Variants in DTNB observed in about 807,000 individuals in gnomAD.
DTNB encodes DTN-B.
Under a neutral mutation model 90.7 loss-of-function variants are expected in DTNB, and 63 were observed. The observed-to-expected ratio is 0.69, with a 90% confidence interval of 0.57 to 0.86. The LOEUF (loss-of-function observed/expected upper bound fraction) is 0.86, where lower values mean the gene tolerates loss of function less well. Among genes scored for constraint, DTNB ranks in the 40% least tolerant of loss-of-function variants. The probability of loss-of-function intolerance (pLI) is 0.00; values close to 1 mark genes in which losing one functional copy is unlikely to be tolerated. For synonymous variants in DTNB, 277 were observed against 286.7 expected, an observed-to-expected ratio of 0.97 and a Z score of 0.34; for missense variants, 744 against 807.1, an observed-to-expected ratio of 0.92 and a Z score of 0.95.
intron 1 of DTNB, among the ~76,000 whole-genome samples, chr2:25,668,231 T>A (rs1174855532): frequency 6.6e-6 from 1 of 151,946 alleles, no homozygotes; most frequent in Non-Finnish European, 1.5e-5. Context: ...AGAGTGAGAC[T>A]CAGTCTCAAA....
intron 14 of DTNB, among the ~76,000 whole-genome samples, chr2:25,429,265 G>A (rs982435972): frequency 1.3e-5 from 2 of 152,040 alleles, no homozygotes. Flanking sequence ...AATTAATGAC[G>A]CCTATTACTT....
intron 10 of DTNB, among the ~76,000 whole-genome samples, chr2:25,470,561 G>C (rs2062606636): frequency 6.6e-6 from 1 of 151,886 alleles, no homozygotes; most frequent in Non-Finnish European, 1.5e-5. Flanking sequence ...ATTTTTAGTA[G>C]AGATGGGGTT....
rs75746119 is a variant in DTNB, at chr2:25,510,279, T to C, written c.1001+21194A>G. Reference sequence around the variant, plus strand: ...GATTCCTTTTCAGATTTTCTGGTAATTTTTATATTCTTTTGTTTCTCCATA... The same window carrying C: ...GATTCCTTTTCAGATTTTCTGGTAACTTTTATATTCTTTTGTTTCTCCATA... On this transcript the variant is annotated intron_variant, in intron 9 of 20. Transcript: ENST00000406818. Among the ~76,000 whole-genome samples, 639 of 152,252 alleles carry C rather than the reference T, an allele frequency of 4.2e-3. 5 individuals carry two copies. The highest frequency in any genetic ancestry group is 6.4e-3 in the Non-Finnish European group (436 of 68,024).
At chr2:25,420,262 CTTTTTTTTTTTTT>C (rs56815083) in intron 15 of DTNB, among the ~76,000 whole-genome samples, 11 of 63,910 alleles carry the variant, frequency 1.7e-4, no homozygotes, top group African/African-American at 5.5e-4. Flanking sequence ...CAGGCACAGT[CTTTTTTTTTTTTT>C]TTTTTTTTTT....
chr2:25,530,133 A>C (rs553022597), intron 9 of DTNB, among the ~76,000 whole-genome samples: 16 of 152,176 alleles, frequency 1.1e-4, no homozygotes, highest in Non-Finnish European at 1.8e-4. Context: ...CCACAAAAGT[A>C]AGTCAATAAT....
intron 12 of DTNB, 56 bp downstream of exon 12, chr2:25,451,492 G>A (rs2059275895): frequency 1.3e-6 from 2 of 1,528,820 alleles, no homozygotes; most frequent in East Asian, 4.8e-5. Context: ...CTTTCCATTT[G>A]CATATTAAAG....
At chr2:25,625,977 G>A (rs777211125) in intron 4 of DTNB, among the ~76,000 whole-genome samples, 17 of 152,064 alleles carry the variant, frequency 1.1e-4, no homozygotes, top group African/African-American at 2.9e-4. Context: ...AAAAGGTGCC[G>A]TCTAGGAGCC....
At chr2:25,552,908 C>T (rs2056602235) in intron 8 of DTNB, among the ~76,000 whole-genome samples, 2 of 117,582 alleles carry the variant, frequency 1.7e-5, no homozygotes, top group Admixed American at 1.2e-4. Context: ...GGTCGGACTG[C>T]GGACTGCAGT....
chr2:25,480,511 G>C (rs1176071536), intron 10 of DTNB, among the ~76,000 whole-genome samples: 1 of 152,190 alleles, frequency 6.6e-6, no homozygotes, highest in African/African-American at 2.4e-5. Flanking sequence ...CAGCAAGCCT[G>C]AGGGGTAGGC....
intron 9 of DTNB, among the ~76,000 whole-genome samples, chr2:25,500,530 A>G (rs945195693): frequency 6.6e-6 from 1 of 152,246 alleles, no homozygotes; most frequent in African/African-American, 2.4e-5. Context: ...CCAAGACATT[A>G]GAGAATTTGC....
At chr2:25,491,192 G>A (rs2067382978) in intron 9 of DTNB, among the ~76,000 whole-genome samples, 1 of 151,738 alleles carries the variant, frequency 6.6e-6, no homozygotes, top group South Asian at 2.1e-4. Flanking sequence ...GAGGGAGGAA[G>A]AGGCAGGGGG....
At chr2:25,455,336 C>A in intron 11 of DTNB, 69 bp downstream of exon 11, 1 of 1,439,554 alleles carries the variant, frequency 6.9e-7, no homozygotes, top group Non-Finnish European at 9.3e-7. Context: ...AGCTGACAAC[C>A]CCAGGTAGCA....
chr2:25,558,021 T>C (rs2057657811), intron 8 of DTNB, among the ~76,000 whole-genome samples: 1 of 152,092 alleles, frequency 6.6e-6, no homozygotes, highest in Non-Finnish European at 1.5e-5. Flanking sequence ...GTGAGGGGCA[T>C]GTAAAAGCCG....
At chr2:25,607,207 C>T (rs530792210) in intron 5 of DTNB, 29 bp downstream of exon 5, 1 of 1,557,222 alleles carries the variant, frequency 6.4e-7, no homozygotes, top group South Asian at 1.2e-5. Context: ...TTGAAAATGG[C>T]ATTTTTCAAA....
At chr2:25,493,648 A>G (rs180715138) in intron 9 of DTNB, among the ~76,000 whole-genome samples, 1 of 152,346 alleles carries the variant, frequency 6.6e-6, no homozygotes, top group Admixed American at 6.5e-5. Context: ...TGAAATTTCA[A>G]TAGCTCTAGA....
chr2:25,492,428 G>C lies in DTNB; in HGVS notation c.1002-9555C>G, dbSNP rs1202005119. ...AATGGGCTTAAAATCAACACTGAGT[G>C]TTATGACTCATTTTGGCTTTCTGAA... On this transcript the variant is annotated intron_variant, in intron 9 of 20. Coordinates refer to ENST00000406818, the MANE Select transcript of DTNB (RefSeq NM_021907.5). Among the ~76,000 whole-genome samples, 3 of 152,198 alleles carry C rather than the reference G, an allele frequency of 2.0e-5. No individual in the cohort carries two copies. The East Asian group carries it at 5.8e-4, about 29-fold the overall frequency.
In DTNB at chr2:25,616,789, G is replaced by A. The variant is rs560202127; in HGVS notation, c.363-9468C>T. On this transcript the variant is annotated intron_variant, in intron 4 of 20. Transcript: ENST00000406818. ...CTACTAAAAATACAAAAAATTAGCC[G>A]GGCGTGGTGGCAGGGGCCTGTAGTC... Among the ~76,000 whole-genome samples the A allele has an allele frequency of 3.0e-4, 45 of 151,536 alleles. 1 individual carries two copies. In the South Asian group the frequency reaches 8.2e-3, roughly 27 times the overall value.
intron 16 of DTNB, among the ~76,000 whole-genome samples, chr2:25,414,850 G>A (rs892350171): frequency 5.3e-5 from 8 of 152,044 alleles, no homozygotes; most frequent in Non-Finnish European, 8.8e-5. Flanking sequence ...GATGATTATA[G>A]GCCTAAGTGA....
intron 2 of DTNB, among the ~76,000 whole-genome samples, chr2:25,651,087 T>A (rs2080839734): frequency 6.6e-6 from 1 of 152,222 alleles, no homozygotes; most frequent in East Asian, 1.9e-4. Flanking sequence ...TTGCTTTGGT[T>A]CAGAAAAGTA....
Sources: gnomAD v4.1 joint callset for allele counts (sites outside exome capture counted in the v4.1 genomes callset) on GRCh38, gnomAD v4.1.1 for gene constraint, MANE v1.5 for transcripts, NCBI Gene and HGNC (gene_info 2026-07-23, HGNC 2026-07-21) for gene names.